Variants in RIMS2 observed in about 807,000 individuals in gnomAD.
RIMS2 encodes regulating synaptic membrane exocytosis protein 2.
RIMS2 carries 59 observed loss-of-function variants against 174.4 expected under a neutral mutation model. That is an observed-to-expected ratio of 0.34 (90% confidence interval 0.27 to 0.42). RIMS2 has a LOEUF of 0.42. Among genes scored for constraint, RIMS2 ranks in the 10% least tolerant of loss-of-function variants. RIMS2 has a pLI of 1.00. For synonymous variants in RIMS2, 606 were observed against 572.5 expected, an observed-to-expected ratio of 1.06 and a Z score of -0.84; for missense variants, 1,620 against 1,666.3, an observed-to-expected ratio of 0.97 and a Z score of 0.48.
chr8:103,599,977 T>C (rs550255677), intron 1 of RIMS2, among the ~76,000 whole-genome samples: 1 of 152,292 alleles, frequency 6.6e-6, no homozygotes, highest in South Asian at 2.1e-4. Flanking sequence ...CTATCAAATA[T>C]GGTCTTACTC....
At chr8:103,769,317 TTTTG>T (rs758514999) in intron 3 of RIMS2, among the ~76,000 whole-genome samples, 5 of 152,030 alleles carry the variant, frequency 3.3e-5, no homozygotes, top group African/African-American at 4.8e-5. Flanking sequence ...AATCTTTGTT[TTTTG>T]TTTGTTTGTT....
chr8:103,771,404 AT>A (rs1343310830), intron 3 of RIMS2, among the ~76,000 whole-genome samples: 1 of 152,156 alleles, frequency 6.6e-6, no homozygotes, highest in African/African-American at 2.4e-5. Flanking sequence ...ATGCTTCATA[AT>A]TTTCATAGTT....
intron 19 of RIMS2, among the ~76,000 whole-genome samples, chr8:104,162,959 T>C (rs1025996992): frequency 3.9e-5 from 6 of 152,160 alleles, no homozygotes; most frequent in Non-Finnish European, 8.8e-5. Context: ...TTTACTCAAT[T>C]GAGTCCTGTC....
chr8:103,706,628 G>T (rs531783900), intron 2 of RIMS2, among the ~76,000 whole-genome samples: 1 of 152,090 alleles, frequency 6.6e-6, no homozygotes, highest in African/African-American at 2.4e-5. Flanking sequence ...CTTCCTCTTG[G>T]CTGCTACATC....
intron 3 of RIMS2, among the ~76,000 whole-genome samples, chr8:103,838,456 A>G (rs970521575): frequency 3.3e-5 from 5 of 152,176 alleles, no homozygotes; most frequent in Admixed American, 3.3e-4. Context: ...AATAGGCCCA[A>G]TTTTAAAGTA....
chr8:103,568,095 C>A (rs2092515314), intron 1 of RIMS2, among the ~76,000 whole-genome samples: 1 of 151,762 alleles, frequency 6.6e-6, no homozygotes, highest in Non-Finnish European at 1.5e-5. Flanking sequence ...TAGTGACACC[C>A]TATCTCTACA....
intron 19 of RIMS2, among the ~76,000 whole-genome samples, chr8:104,180,674 T>C: frequency 6.6e-6 from 1 of 151,906 alleles, no homozygotes; most frequent in Middle Eastern, 3.4e-3. Flanking sequence ...TAGACTTTAA[T>C]CTATGACTCA....
At chr8:103,752,891 T>C (rs2097913430) in intron 2 of RIMS2, among the ~76,000 whole-genome samples, 2 of 152,170 alleles carry the variant, frequency 1.3e-5, no homozygotes, top group Admixed American at 1.3e-4. Flanking sequence ...CAGGGACAAT[T>C]TGACTTCCTC....
chr8:103,612,778 G>A (rs1000291462), intron 1 of RIMS2, among the ~76,000 whole-genome samples: 5 of 152,088 alleles, frequency 3.3e-5, no homozygotes, highest in African/African-American at 1.2e-4. Flanking sequence ...CACAATGTTG[G>A]CCAGGCTGGT....
chr8:104,097,873 A>G (rs1211356750), intron 19 of RIMS2, among the ~76,000 whole-genome samples: 1 of 152,198 alleles, frequency 6.6e-6, no homozygotes, highest in Non-Finnish European at 1.5e-5. Context: ...TTTTAATGCC[A>G]TTAATTTTAA....
intron 19 of RIMS2, among the ~76,000 whole-genome samples, chr8:104,125,858 G>A (rs865945539): frequency 1.3e-5 from 2 of 152,022 alleles, no homozygotes; most frequent in Non-Finnish European, 2.9e-5. Context: ...TTATATTTGC[G>A]GGGAAAGTTT....
At chr8:104,132,478 G>T (rs931100482) in intron 19 of RIMS2, among the ~76,000 whole-genome samples, 2 of 152,080 alleles carry the variant, frequency 1.3e-5, no homozygotes, top group African/African-American at 4.8e-5. Context: ...ATATTTAAAA[G>T]CATGGAACTA....
chr8:103,665,971 T>C (rs1024800321), intron 1 of RIMS2, among the ~76,000 whole-genome samples: 10 of 152,208 alleles, frequency 6.6e-5, no homozygotes, highest in African/African-American at 2.2e-4. Context: ...TTAATACTTA[T>C]TTAGTACATA....
intron 20 of RIMS2, 103 bp from the exon 27 acceptor site, chr8:104,248,598 A>G (rs1343427140): frequency 1.4e-6 from 1 of 691,856 alleles, no homozygotes; most frequent in Non-Finnish European, 2.6e-6. Context: ...TGACAAAATA[A>G]TAGGACTAGT....
chr8:104,020,272 A>T (rs1043045535), intron 19 of RIMS2, among the ~76,000 whole-genome samples: 1 of 151,724 alleles, frequency 6.6e-6, no homozygotes, highest in Non-Finnish European at 1.5e-5. Context: ...ACTATTGTCT[A>T]TTTTCAATAT....
At chr8:104,042,237 T>C (rs2096621764) in intron 19 of RIMS2, among the ~76,000 whole-genome samples, 1 of 151,578 alleles carries the variant, frequency 6.6e-6, no homozygotes, top group African/African-American at 2.4e-5. Flanking sequence ...GCTAGAACAC[T>C]GTTAGCTTCT....
At chr8:103,682,241 G>A (rs1270296957) in intron 1 of RIMS2, among the ~76,000 whole-genome samples, 1 of 152,058 alleles carries the variant, frequency 6.6e-6, no homozygotes, top group Non-Finnish European at 1.5e-5. Flanking sequence ...ATATATAGGT[G>A]GAAGTTGAAG....
rs1589977299 is a variant in RIMS2 at position 103,667,464 on chromosome 8, A to C, written c.177-29622A>C. Among the ~76,000 whole-genome samples the C allele has an allele frequency of 2.0e-5, 3 of 152,292 alleles. No individual in the cohort carries two copies. The East Asian group carries it at 5.8e-4, about 29-fold the overall frequency. Reference sequence around the variant, plus strand: ...AGGCCTTCTGGCAGTTTTCTCTTGAACTGATGACGTAGGTTAAGAGGAGTG... The same window carrying C: ...AGGCCTTCTGGCAGTTTTCTCTTGACCTGATGACGTAGGTTAAGAGGAGTG... On this transcript the variant is annotated intron_variant, in intron 1 of 23. Coordinates refer to ENST00000504942, the Ensembl canonical transcript of RIMS2.
chr8:104,081,443 A>G (rs1566245527), intron 19 of RIMS2, among the ~76,000 whole-genome samples: 1 of 151,974 alleles, frequency 6.6e-6, no homozygotes, highest in Non-Finnish European at 1.5e-5. Context: ...GTGTTATTTT[A>G]ATGCTGTTTT....
Sources: gnomAD v4.1 joint callset for allele counts (sites outside exome capture counted in the v4.1 genomes callset) on GRCh38, gnomAD v4.1.1 for gene constraint, MANE v1.5 for transcripts, NCBI Gene and HGNC (gene_info 2026-07-23, HGNC 2026-07-21) for gene names.